The following KIAA0586 variants were observed in gnomAD, a reference collection of about 807,000 sequenced individuals.
KIAA0586 encodes the protein KIAA0586, also known as protein TALPID3.
A neutral mutation model predicts 169.8 loss-of-function variants in KIAA0586; 144 were observed. The observed-to-expected ratio is 0.85, with a 90% CI of 0.74 to 0.97. The LOEUF (loss-of-function observed/expected upper bound fraction) is 0.97. Ranked by LOEUF, KIAA0586 falls within the 50% of genes least tolerant of loss-of-function variation. The pLI is 0.00. For missense variants in KIAA0586, 1,854 were observed against 1,823.0 expected (o/e 1.02, Z -0.31); for synonymous variants, 625 against 612.4 (o/e 1.02, Z -0.30).
At chr14:58,504,906 G>T (rs2043827730) in intron 27 of KIAA0586, among the ~76,000 whole-genome samples, 2 of 152,104 alleles carry the variant, frequency 1.3e-5, no homozygotes, top group African/African-American at 4.8e-5. Flanking sequence ...TCTCATGTGA[G>T]GGTACGGACT....
In KIAA0586 at chr14:58,498,866, T is replaced by TTC; in HGVS notation, c.4080_4081dup (p.Tyr1361SerfsTer44). The TTC allele has an allele frequency of 6.2e-7, 1 of 1,613,012 alleles. No homozygotes were observed. Among genetic ancestry groups the TTC allele is most frequent in the Non-Finnish European group, 8.5e-7 (1 of 1,179,416 alleles). On this transcript the variant is annotated frameshift_variant, in exon 27 of 31. Transcript: ENST00000652326. LOFTEE classifies it high-confidence loss of function. ...CAGCAGAGAACATCTTAATGGGACA[T>TTC]TCTCTCTATATGCAGCCACCTGTCA...
At chr14:58,509,874 A>G (rs1446331520) in intron 28 of KIAA0586, among the ~76,000 whole-genome samples, 1 of 152,228 alleles carries the variant, frequency 6.6e-6, no homozygotes, top group African/African-American at 2.4e-5. Flanking sequence ...TTCAAAACAC[A>G]GTTAAGAGAA....
At chr14:58,516,110 G>A (rs2044733860) in intron 29 of KIAA0586, among the ~76,000 whole-genome samples, 1 of 152,160 alleles carries the variant, frequency 6.6e-6, no homozygotes, top group Admixed American at 6.5e-5. Flanking sequence ...CTTTTTAAGT[G>A]GGTTTCTAAA....
intron 28 of KIAA0586, among the ~76,000 whole-genome samples, chr14:58,509,989 AAAAC>A (rs983304906): frequency 2.6e-5 from 4 of 152,226 alleles, no homozygotes; most frequent in African/African-American, 4.8e-5. Context: ...CAATATTAAG[AAAAC>A]AAACAATCCA....
intron 30 of KIAA0586, 96 bp from the exon 31 acceptor site, chr14:58,547,685 C>T (rs1566969553): frequency 3.2e-6 from 2 of 630,978 alleles, no homozygotes; most frequent in South Asian, 1.7e-5. Flanking sequence ...GGAATCCGCG[C>T]CCCCCCACCC....
chr14:58,544,176 A>G (rs913355612), intron 30 of KIAA0586, among the ~76,000 whole-genome samples: 1 of 152,184 alleles, frequency 6.6e-6, no homozygotes, highest in Non-Finnish European at 1.5e-5. Flanking sequence ...AGTTTCATCC[A>G]TGTTCCTGCA....
In KIAA0586 at chr14:58,465,899, T is replaced by A; in HGVS notation, c.2124T>A (p.Asp708Glu). 1 of 1,613,160 alleles carries A rather than the reference T, an allele frequency of 6.2e-7. No individual in the cohort carries two copies. Among genetic ancestry groups the A allele is most frequent in the East Asian group, 2.2e-5 (1 of 44,844 alleles). Reference protein sequence around the residue: ...DFYATKPKKMDSKMKHSVPVL... With the variant: ...DFYATKPKKMESKMKHSVPVL... ...ATGCAACAAAACCTAAGAAGATGGA[T>A]TCTAAAATGAAACATTCTGTTCCTG... The change falls in exon 15 of 31, where the codon GAT becomes GAA. Residue 708 changes from aspartate to glutamate, a missense_variant. Asp to Glu is a conservative substitution (Grantham distance 45, BLOSUM62 2). Transcript: ENST00000652326.
chr14:58,545,228 G>A (rs560130878), intron 30 of KIAA0586, among the ~76,000 whole-genome samples: 3 of 152,174 alleles, frequency 2.0e-5, no homozygotes, highest in Non-Finnish European at 4.4e-5. Context: ...TGATGAAAAC[G>A]TATTTACAAA....
Position 58,427,744 on chromosome 14 carries a change from G to T in KIAA0586, c.-521G>T, listed in dbSNP as rs571527574. 1.3e-6 allele frequency: 2 copies of T among 1,533,530 alleles called. No individual in the cohort carries two copies. The highest frequency in any genetic ancestry group is 1.7e-6 in the Non-Finnish European group (2 of 1,146,310). 95.0% of individuals were successfully genotyped at this position (1,533,530 alleles called of 1,614,324 possible). A position where few individuals can be genotyped will look rare whatever the true frequency, so the allele number is the denominator to read the frequency against. ...GCTGTTGTCAGATTACACCCACGAC[G>T]GTGCGGGTCTCGGGCGTTCTGGAGA... On this transcript the variant is annotated 5_prime_UTR_variant, in exon 1 of 31. Coordinates refer to ENST00000652326, the MANE Select transcript of KIAA0586 (RefSeq NM_001329943.3).
chr14:58,513,101 G>A (rs997754642), intron 29 of KIAA0586, among the ~76,000 whole-genome samples: 2 of 151,906 alleles, frequency 1.3e-5, no homozygotes, highest in Non-Finnish European at 2.9e-5. Flanking sequence ...TATCAAACTC[G>A]TGTGGTTACC....
chr14:58,468,730 A>C (rs1456420926), intron 16 of KIAA0586, among the ~76,000 whole-genome samples: 5 of 152,228 alleles, frequency 3.3e-5, no homozygotes, highest in African/African-American at 7.2e-5. Flanking sequence ...TCTATTGACC[A>C]GTCAGGAGGC....
At chr14:58,464,964 C>T (rs890325100) in intron 14 of KIAA0586, among the ~76,000 whole-genome samples, 1 of 151,948 alleles carries the variant, frequency 6.6e-6, no homozygotes, top group African/African-American at 2.4e-5. Context: ...CTTGGCTACT[C>T]GGGAGGCTAG....
rs890065538 is a variant in KIAA0586, at chr14:58,525,403, C to T, written c.4429+12776C>T. On this transcript the variant is annotated intron_variant, in intron 29 of 30. Coordinates refer to ENST00000652326, the MANE Select transcript of KIAA0586 (RefSeq NM_001329943.3). Reference sequence around the variant, plus strand: ...CTGGTTAGACAGTGGGTGCAGCCCACGGAGAGCAAGCAGAAGCAGGGTGGG... The same window carrying T: ...CTGGTTAGACAGTGGGTGCAGCCCATGGAGAGCAAGCAGAAGCAGGGTGGG... Among the ~76,000 whole-genome samples the T allele has an allele frequency of 2.6e-5, 4 of 151,848 alleles. No homozygotes were observed. The East Asian group carries it at 7.8e-4, about 30-fold the overall frequency.
chr14:58,529,686 A>G (rs768591471), intron 29 of KIAA0586, among the ~76,000 whole-genome samples: 2 of 152,170 alleles, frequency 1.3e-5, no homozygotes, highest in Admixed American at 6.5e-5. Flanking sequence ...TCAATAAACT[A>G]TCTATTGATG....
At chr14:58,467,413 T>C (rs577714923) in intron 15 of KIAA0586, among the ~76,000 whole-genome samples, 135 of 152,306 alleles carry the variant, frequency 8.9e-4, no homozygotes, top group African/African-American at 3.1e-3. Context: ...CCTCTTTACT[T>C]TGATATGTAG....
At chr14:58,539,800 A>G (rs1303592843) in intron 29 of KIAA0586, 1 of 261,820 alleles carries the variant, frequency 3.8e-6, no homozygotes, top group Non-Finnish European at 7.2e-6. Context: ...TACAAATTTC[A>G]GATTTTCTCA....
chr14:58,495,399 T>A (rs1367902985), intron 26 of KIAA0586, among the ~76,000 whole-genome samples: 1 of 152,022 alleles, frequency 6.6e-6, no homozygotes, highest in Non-Finnish European at 1.5e-5. Flanking sequence ...ACTCTTGGAC[T>A]CAAGCAATCC....
At chr14:58,504,911 C>T (rs548996256) in intron 27 of KIAA0586, among the ~76,000 whole-genome samples, 6 of 152,208 alleles carry the variant, frequency 3.9e-5, no homozygotes, top group Non-Finnish European at 7.4e-5. Flanking sequence ...TGTGAGGGTA[C>T]GGACTTTATC....
At chr14:58,432,183 A>G (rs556429249) in intron 3 of KIAA0586, among the ~76,000 whole-genome samples, 1 of 152,288 alleles carries the variant, frequency 6.6e-6, no homozygotes, top group African/African-American at 2.4e-5. Flanking sequence ...TTGCCCGTTC[A>G]GTATGATGTT....
Sources: allele counts gnomAD v4.1 joint callset (sites outside exome capture counted in the v4.1 genomes callset), GRCh38; gene constraint gnomAD v4.1.1; transcripts MANE v1.5; gene names NCBI Gene and HGNC (gene_info 2026-07-23, HGNC 2026-07-21).